Variants in PCDHA12 observed in about 807,000 individuals in gnomAD.
PCDHA12 encodes protocadherin alpha-12.
PCDHA12 carries 44 observed loss-of-function variants against 60.0 expected under a neutral mutation model. The observed-to-expected ratio is 0.73, with a 90% CI of 0.58 to 0.94. The LOEUF is 0.94. Among genes scored for constraint, PCDHA12 ranks in the 40% least tolerant of loss-of-function variants. The pLI, the probability that PCDHA12 is intolerant of heterozygous loss-of-function variation, is 0.00. For synonymous variants in PCDHA12, 569 were observed against 553.0 expected, an observed-to-expected ratio of 1.03 and a Z score of -0.40; for missense variants, 1,276 against 1,239.7, an observed-to-expected ratio of 1.03 and a Z score of -0.44.
intron 1 of PCDHA12, among the ~76,000 whole-genome samples, chr5:140,888,153 G>A (rs2061714988): frequency 6.6e-6 from 1 of 152,056 alleles, no homozygotes; most frequent in African/African-American, 2.4e-5. Context: ...TTGCATGACT[G>A]GTAATCTCTA....
chr5:140,965,496 A>ATT lies in PCDHA12; in HGVS notation c.2368-13439_2368-13438dup, dbSNP rs71766133. On this transcript the variant is annotated intron_variant, in intron 1 of 3. Coordinates refer to ENST00000398631, the MANE Select transcript of PCDHA12 (RefSeq NM_018903.4). Reference sequence around the variant, plus strand: ...CCCACATTTTGCTTAATGACAGCAGATTTTTTTTTTTTTTTAACTGCAAAG... The same window carrying ATT: ...CCCACATTTTGCTTAATGACAGCAGATTTTTTTTTTTTTTTTTAACTGCAAAG... Among the ~76,000 whole-genome samples the ATT allele has an allele frequency of 3.3e-3, 482 of 146,482 alleles. 3 individuals are homozygous for ATT. The highest frequency in any genetic ancestry group is 0.011 in the African/African-American group (455 of 40,032).
rs149179821 is a variant in PCDHA12 at position 141,012,224 on chromosome 5, C to T, written c.*2287C>T. 2 of 153,832 alleles carry T rather than the reference C, an allele frequency of 1.3e-5. No homozygotes were observed. Among genetic ancestry groups the T allele is most frequent in the East Asian group, 3.9e-4 (2 of 5,184 alleles). 9.5% of individuals were successfully genotyped at this position (153,832 alleles called of 1,614,324 possible). On this transcript the variant is annotated 3_prime_UTR_variant, in exon 4 of 4. Coordinates refer to ENST00000398631, the MANE Select transcript of PCDHA12 (RefSeq NM_018903.4). ...CTTTTTACATTTGCGAAGTGCTTTC[C>T]AATCCATGTTAGTTACTAGTTATTA...
At chr5:140,911,909 C>G (rs113000456) in intron 1 of PCDHA12, among the ~76,000 whole-genome samples, 17,713 of 152,106 alleles carry the variant, frequency 0.12, 1,155 homozygotes, top group Middle Eastern at 0.19. Flanking sequence ...TCAGAGCTCT[C>G]TAGAGGACAG....
chr5:140,982,561 C>G lies in PCDHA12; in HGVS notation c.2513C>G (p.Pro838Arg), dbSNP rs560422677. ...QQWPTVSSAT[P>R]EPEAGEVSPP... The stretch of plus-strand genomic sequence containing the variant: ...TGGCCAACAGTATCCAGTGCAACAC[C>G]AGGTAAAGAGCTGGGGTCTCTCCAT... The change falls in exon 3 of 4, where the codon CCA (proline) becomes CGA (arginine). Residue 838 changes from proline (P) to arginine (R), a missense_variant and splice_region_variant. By Grantham distance (103) the Pro-to-Arg change is moderately radical. Coordinates refer to ENST00000398631, the MANE Select transcript of PCDHA12 (RefSeq NM_018903.4). The G allele has an allele frequency of 6.2e-7, 1 of 1,614,060 alleles. No individual in the cohort carries two copies. Among genetic ancestry groups the G allele is most frequent in the African/African-American group, 1.3e-5 (1 of 75,052 alleles).
chr5:140,897,739 T>A (rs2066296532), intron 1 of PCDHA12, among the ~76,000 whole-genome samples: 1 of 152,176 alleles, frequency 6.6e-6, no homozygotes, highest in Admixed American at 6.5e-5. Flanking sequence ...GTATTTCTAG[T>A]TCTAGATCCC....
intron 1 of PCDHA12, chr5:140,884,593 C>A: frequency 6.2e-7 from 1 of 1,614,162 alleles, no homozygotes; most frequent in Non-Finnish European, 8.5e-7. Flanking sequence ...TCAGTCCCAG[C>A]CTTCCTCCTT....
intron 2 of PCDHA12, among the ~76,000 whole-genome samples, chr5:140,980,258 G>A (rs2096882497): frequency 6.6e-6 from 1 of 152,164 alleles, no homozygotes; most frequent in Non-Finnish European, 1.5e-5. Context: ...GTAAAAGCAT[G>A]GTTTACAGTA....
rs142640080 is a variant in PCDHA12 at position 140,917,521 on chromosome 5, C to T, written c.2367+39682C>T. Among the ~76,000 whole-genome samples the T allele has an allele frequency of 5.8e-4, 88 of 152,256 alleles. 1 individual carries two copies. In the East Asian group the frequency reaches 0.015, roughly 26 times the overall value. On this transcript the variant is annotated intron_variant, in intron 1 of 3. Transcript: ENST00000398631. ...ATGATATTTTCTAGGTTTTATTCTA[C>T]GGTTTGTATAGTTTTAGGTTTTACA...
intron 3 of PCDHA12, among the ~76,000 whole-genome samples, chr5:140,989,525 GAGGA>G (rs2097345403): frequency 6.6e-6 from 1 of 152,218 alleles, no homozygotes; most frequent in African/African-American, 2.4e-5. Flanking sequence ...GAGGGCAGAG[GAGGA>G]AGATAGTTTG....
intron 1 of PCDHA12, among the ~76,000 whole-genome samples, chr5:140,950,301 T>G (rs1467140584): frequency 6.6e-6 from 1 of 152,076 alleles, no homozygotes; most frequent in Non-Finnish European, 1.5e-5. Context: ...AAACTTTACT[T>G]AGCAGTTTTT....
In PCDHA12 at chr5:140,877,273, T is replaced by C. The variant is rs1324679559; in HGVS notation, c.1801T>C (p.Ser601Pro). The change falls in exon 1 of 4, where the codon TCC (serine) becomes CCC (proline). Residue 601 changes from serine (S) to proline (P), a missense_variant. Ser to Pro is a moderately conservative substitution (Grantham distance 74). Transcript: ENST00000398631. ...GAAAGTGCGCGCGGTGGACGCTGAC[T>C]CCGGCTATAACGCTTGGCTGTCCTA... is the stretch of plus-strand genomic sequence containing the variant. ...VAKVRAVDAD[S>P]GYNAWLSYEL... The C allele has an allele frequency of 1.2e-6, 2 of 1,613,722 alleles. No individual in the cohort carries two copies. Among genetic ancestry groups the C allele is most frequent in the Non-Finnish European group, 1.7e-6 (2 of 1,179,820 alleles).
intron 1 of PCDHA12, among the ~76,000 whole-genome samples, chr5:140,961,393 G>C (rs1224822152): frequency 6.6e-6 from 1 of 152,104 alleles, no homozygotes; most frequent in African/African-American, 2.4e-5. Context: ...TATTCCATTA[G>C]TAAACACTTT....
Position 141,011,434 on chromosome 5 carries a change from C to A in PCDHA12, c.*1497C>A, listed in dbSNP as rs934032017. 6.5e-6 allele frequency: 1 copy of A among 153,726 alleles called. No homozygotes were observed. Among genetic ancestry groups the A allele is most frequent in the African/African-American group, 2.4e-5 (1 of 41,446 alleles). The allele number at this position is 153,726 out of a possible 1,614,324, so 9.5% of individuals were successfully genotyped here. The stretch of plus-strand genomic sequence containing the variant: ...ATGTGAATGTTAATGCAACTATTAC[C>A]TAGAGTGAACTTTAAGCTTTATTGT... On this transcript the variant is annotated 3_prime_UTR_variant, in exon 4 of 4. Transcript: ENST00000398631.
chr5:140,982,985 A>C (rs2097019022), intron 3 of PCDHA12, among the ~76,000 whole-genome samples: 1 of 152,162 alleles, frequency 6.6e-6, no homozygotes, highest in Non-Finnish European at 1.5e-5. Flanking sequence ...AAAGAAAGAG[A>C]AAAAGAAGGA....
At chr5:140,919,254 T>A (rs1554198989) in intron 1 of PCDHA12, among the ~76,000 whole-genome samples, 1 of 152,266 alleles carries the variant, frequency 6.6e-6, no homozygotes. Context: ...CTGTTTTGTC[T>A]GATATTAGTG....
In PCDHA12 at chr5:141,010,032, T is replaced by C. The variant is rs529237892; in HGVS notation, c.*95T>C. 6.3e-7 allele frequency: 1 copy of C among 1,582,368 alleles called. No individual in the cohort carries two copies. Among genetic ancestry groups the C allele is most frequent in the African/African-American group, 1.4e-5 (1 of 73,468 alleles). On this transcript the variant is annotated 3_prime_UTR_variant, in exon 4 of 4. Transcript: ENST00000398631. ...TCCCTGCTCCTTTTTCCTATCTACA[T>C]GAGCCCTCTTAGAGACCTCAGAAAT...
At chr5:140,884,186 G>T in intron 1 of PCDHA12, 1 of 1,613,444 alleles carries the variant, frequency 6.2e-7, no homozygotes, top group East Asian at 2.2e-5. Context: ...TCTGGACGAG[G>T]TGGACGCGCC....
Position 141,010,042 on chromosome 5 carries a change from T to C in PCDHA12, c.*105T>C. 6.3e-7 allele frequency: 1 copy of C among 1,594,374 alleles called. No homozygotes were observed. The highest frequency in any genetic ancestry group is 8.5e-7 in the Non-Finnish European group (1 of 1,171,086). ...TTTTTCCTATCTACATGAGCCCTCT[T>C]AGAGACCTCAGAAATCTGCAGAAAG... On this transcript the variant is annotated 3_prime_UTR_variant, in exon 4 of 4. Transcript: ENST00000398631.
intron 1 of PCDHA12, among the ~76,000 whole-genome samples, chr5:140,881,757 A>T (rs1238055344): frequency 6.6e-6 from 1 of 152,166 alleles, no homozygotes; most frequent in African/African-American, 2.4e-5. Flanking sequence ...TACCACAAAA[A>T]CCTACATGAC....
Sources: allele counts gnomAD v4.1 joint callset (sites outside exome capture counted in the v4.1 genomes callset), GRCh38; gene constraint gnomAD v4.1.1; transcripts MANE v1.5; gene names NCBI Gene and HGNC (gene_info 2026-07-23, HGNC 2026-07-21).